CPEB3: variants seen among roughly 807,000 people sequenced by gnomAD.
CPEB3 encodes cytoplasmic polyadenylation element-binding protein 3.
In CPEB3, 20 loss-of-function variants were observed where a neutral mutation model predicts 67.2. The ratio of observed to expected loss-of-function variants is 0.30; its 90% CI spans 0.21 to 0.43. The LOEUF (loss-of-function observed/expected upper bound fraction) is 0.43, where lower values mean the gene tolerates loss of function less well. Among genes scored for constraint, CPEB3 ranks in the 20% least tolerant of loss-of-function variants. CPEB3 has a pLI of 1.00. For missense variants in CPEB3, 746 were observed against 968.6 expected (o/e 0.77, Z 3.05); for synonymous variants, 376 against 393.1 (o/e 0.96, Z 0.51).
intron 1 of CPEB3, among the ~76,000 whole-genome samples, chr10:92,267,172 T>C (rs1042906559): frequency 2.6e-5 from 4 of 152,196 alleles, no homozygotes; most frequent in Non-Finnish European, 5.9e-5. Flanking sequence ...GGAGTAAGGC[T>C]TTCAAGCTGG....
rs1027866393 is a variant in CPEB3 at position 92,239,618 on chromosome 10, G to A, written c.733C>T (p.His245Tyr). Residue 245 changes from histidine (H) to tyrosine (Y), a missense_variant, in exon 2 of 10, where the codon CAC becomes TAC. His to Tyr is a moderately conservative substitution (Grantham distance 83). Coordinates refer to ENST00000265997, the MANE Select transcript of CPEB3 (RefSeq NM_014912.5). This position sits in a 1 kb window ranked among gnomAD's most constrained non-coding sequence, Gnocchi z 6.0. Reference sequence around the variant, plus strand: ...CTCCAGGCTGCATTCACGCTTTGGTGCGTGTTCCAGCTGGACGAGGCCGAC... The same window carrying A: ...CTCCAGGCTGCATTCACGCTTTGGTACGTGTTCCAGCTGGACGAGGCCGAC... ...ASSASSSWNT[H>Y]QSVNAAWSAP... is the part of the protein sequence containing the mutation. 2.2e-5 allele frequency: 35 copies of A among 1,557,394 alleles called. No individual in the cohort carries two copies. Among genetic ancestry groups the A allele is most frequent in the African/African-American group, 2.7e-5 (2 of 73,558 alleles).
At chr10:92,055,213 T>A (rs539965996) in intron 9 of CPEB3, among the ~76,000 whole-genome samples, 113 of 152,240 alleles carry the variant, frequency 7.4e-4, no homozygotes, top group Non-Finnish European at 1.3e-3. Context: ...TTCTGTCTAT[T>A]TGGGCTTCCA....
chr10:92,169,330 G>C (rs1234349482), intron 4 of CPEB3, among the ~76,000 whole-genome samples: 4 of 152,070 alleles, frequency 2.6e-5, no homozygotes, highest in African/African-American at 7.2e-5. Flanking sequence ...GTAAAGACAG[G>C]GTTTCGTCAT....
intron 9 of CPEB3, chr10:92,076,408 T>C (rs1842935728): frequency 6.6e-6 from 1 of 152,172 alleles, no homozygotes. Context: ...CATGATTTAT[T>C]ATTATTATTT....
chr10:92,178,457 C>T (rs1163769773), intron 4 of CPEB3, among the ~76,000 whole-genome samples: 14 of 152,048 alleles, frequency 9.2e-5, no homozygotes, highest in Admixed American at 7.2e-4. Flanking sequence ...CCACGCCCAG[C>T]GATCTCAATT....
intron 1 of CPEB3, among the ~76,000 whole-genome samples, chr10:92,260,584 G>T (rs1161367107): frequency 6.6e-6 from 1 of 151,118 alleles, no homozygotes; most frequent in Non-Finnish European, 1.5e-5. Context: ...TTGTCTTCAA[G>T]ATAATTTTTT....
At chr10:92,105,854 T>C (rs918541179) in intron 7 of CPEB3, among the ~76,000 whole-genome samples, 1 of 151,680 alleles carries the variant, frequency 6.6e-6, no homozygotes, top group African/African-American at 2.4e-5. Context: ...TAGCTGGGAT[T>C]ACAGGCGTCC....
At chr10:92,108,618 T>C (rs1844582570) in intron 7 of CPEB3, among the ~76,000 whole-genome samples, 1 of 152,252 alleles carries the variant, frequency 6.6e-6, no homozygotes, top group Non-Finnish European at 1.5e-5. Flanking sequence ...CTGGAAATTC[T>C]GAGTATGCCT....
At chr10:92,277,550 A>G (rs1269812789) in intron 1 of CPEB3, among the ~76,000 whole-genome samples, 3 of 152,176 alleles carry the variant, frequency 2.0e-5, no homozygotes, top group Non-Finnish European at 4.4e-5. Context: ...GCTTAATAGT[A>G]AGTTTTAAAA....
chr10:92,184,731 C>T (rs1472680299), intron 3 of CPEB3, among the ~76,000 whole-genome samples: 1 of 152,176 alleles, frequency 6.6e-6, no homozygotes, highest in Non-Finnish European at 1.5e-5. Context: ...TCATTCACAG[C>T]ATCTTTAAGC....
Position 92,239,478 on chromosome 10 carries a change from C to G in CPEB3, c.873G>C (p.Pro291=), listed in dbSNP as rs746688989. Reference sequence around the variant, plus strand: ...CGTTGCTGGAGAAGGGCTTTTTGAGCGGCGAGATGGGGTTGAGCGGGGAAG... The same window carrying G: ...CGTTGCTGGAGAAGGGCTTTTTGAGGGGCGAGATGGGGTTGAGCGGGGAAG... The part of the protein sequence containing the change: ...GVPSPLNPIS[P]LKKPFSSNVI... Residue 291 remains proline, a synonymous_variant, in exon 2 of 10, where the codon CCG becomes CCC. Coordinates refer to ENST00000265997, the MANE Select transcript of CPEB3 (RefSeq NM_014912.5). This position sits in a 1 kb window ranked among gnomAD's most constrained non-coding sequence, Gnocchi z 6.0. The G allele has an allele frequency of 6.3e-7, 1 of 1,591,494 alleles. No homozygotes were observed. The highest frequency in any genetic ancestry group is 1.3e-5 in the African/African-American group (1 of 74,836).
At chr10:92,258,657 TATATATATATATATATATATA>T in intron 1 of CPEB3, among the ~76,000 whole-genome samples, 3 of 95,828 alleles carry the variant, frequency 3.1e-5, no homozygotes, top group Non-Finnish European at 4.4e-5. Flanking sequence ...TATATATATA[TATATATATATATATATATATA>T]TTTCATGTAT....
intron 6 of CPEB3, among the ~76,000 whole-genome samples, chr10:92,126,999 A>G (rs1845633490): frequency 6.6e-6 from 1 of 152,242 alleles, no homozygotes; most frequent in Non-Finnish European, 1.5e-5. Context: ...TGAGCCAAGT[A>G]TGCAAAGTAC....
intron 9 of CPEB3, among the ~76,000 whole-genome samples, chr10:92,064,202 TAG>T (rs1466314237): frequency 2.6e-5 from 4 of 152,252 alleles, no homozygotes; most frequent in African/African-American, 9.6e-5. Context: ...AAGAGATGTG[TAG>T]AGTTGCCATA....
intron 4 of CPEB3, among the ~76,000 whole-genome samples, chr10:92,166,567 G>C (rs1368177937): frequency 6.6e-6 from 1 of 152,204 alleles, no homozygotes; most frequent in African/African-American, 2.4e-5. Flanking sequence ...TATTTTGAAA[G>C]GAGTATTTTT....
intron 7 of CPEB3, among the ~76,000 whole-genome samples, chr10:92,102,893 T>G (rs1844259757): frequency 6.6e-6 from 1 of 152,220 alleles, no homozygotes; most frequent in South Asian, 2.1e-4. Context: ...GGTCATTTAC[T>G]GGTCATATGT....
intron 2 of CPEB3, among the ~76,000 whole-genome samples, chr10:92,200,450 C>T (rs938716862): frequency 2.1e-5 from 3 of 145,336 alleles, no homozygotes; most frequent in Admixed American, 7.5e-5. Flanking sequence ...GAGGCTGAGG[C>T]AGGAGAATTG....
At chr10:92,088,161 T>C (rs1407309665) in intron 8 of CPEB3, among the ~76,000 whole-genome samples, 1 of 152,102 alleles carries the variant, frequency 6.6e-6, no homozygotes, top group African/African-American at 2.4e-5. Flanking sequence ...TTTCCACTGA[T>C]ATTTTCCCAT....
chr10:92,271,981 T>C (rs1287322373), intron 1 of CPEB3, among the ~76,000 whole-genome samples: 5 of 152,234 alleles, frequency 3.3e-5, no homozygotes, highest in Non-Finnish European at 1.5e-5. Flanking sequence ...TTTTTATCAG[T>C]AGATATAAAT....
Sources: allele counts gnomAD v4.1 joint callset (sites outside exome capture counted in the v4.1 genomes callset), GRCh38; gene constraint gnomAD v4.1.1; non-coding constraint Gnocchi (gnomAD v3.1); transcripts MANE v1.5; gene names NCBI Gene and HGNC (gene_info 2026-07-23, HGNC 2026-07-21).